The following ETF1 variants were observed in gnomAD, a reference collection of about 807,000 sequenced individuals.
ETF1 encodes the protein eukaryotic translation termination factor 1.
A neutral mutation model predicts 55.1 loss-of-function variants in ETF1; 4 were observed. The observed-to-expected ratio is 0.07, with a 90% CI of 0.04 to 0.17. The LOEUF (loss-of-function observed/expected upper bound fraction) is 0.17. Among genes scored for constraint, ETF1 ranks in the 10% least tolerant of loss-of-function variants. ETF1 has a pLI of 1.00. For missense variants in ETF1, 142 were observed against 523.6 expected (o/e 0.27, Z 7.11); for synonymous variants, 157 against 182.3 (o/e 0.86, Z 1.12).
chr5:138,512,857 A>G lies in ETF1; in HGVS notation c.639T>C (p.Phe213=), dbSNP rs752476600. ...CCACATTCACTTTGTCCCCAGAAATAAACAGCTGCACAGCAGTCTCTGCTA... is the reference window on the plus strand; with the variant it reads ...CCACATTCACTTTGTCCCCAGAAATGAACAGCTGCACAGCAGTCTCTGCTA... ...RKVAETAVQL[F]ISGDKVNVAG... is the part of the protein sequence containing the mutation. Residue 213 remains phenylalanine (F), a synonymous_variant, in exon 6 of 11, where the codon TTT becomes TTC. Transcript: ENST00000360541. 10 of 1,598,090 alleles carry G rather than the reference A, an allele frequency of 6.3e-6. No individual in the cohort carries two copies. Among genetic ancestry groups the G allele is most frequent in the Non-Finnish European group, 8.5e-6 (10 of 1,174,536 alleles).
rs1764623200 is a variant in ETF1, at chr5:138,508,106, G to A, written c.*199C>T. 1.9e-5 allele frequency: 11 copies of A among 565,848 alleles called. No homozygotes were observed. The highest frequency in any genetic ancestry group is 1.5e-4 in the South Asian group (5 of 32,576). 35.1% of individuals were successfully genotyped at this position (565,848 alleles called of 1,614,324 possible). Reference sequence around the variant, plus strand: ...TAGGAACTTAGTTGTAGGCTGCTGCGCTGACACCATGACAAACCAAAGTGT... The same window carrying A: ...TAGGAACTTAGTTGTAGGCTGCTGCACTGACACCATGACAAACCAAAGTGT... On this transcript the variant is annotated 3_prime_UTR_variant, in exon 11 of 11. Transcript: ENST00000360541.
intron 4 of ETF1, among the ~76,000 whole-genome samples, chr5:138,516,475 A>T (rs546765555): frequency 6.6e-6 from 1 of 152,234 alleles, no homozygotes; most frequent in East Asian, 1.9e-4. Flanking sequence ...TGTCTCTACT[A>T]AAAAAACACA....
At chr5:138,521,436 T>G (rs1017722005) in intron 2 of ETF1, among the ~76,000 whole-genome samples, 17 of 152,238 alleles carry the variant, frequency 1.1e-4, no homozygotes, top group African/African-American at 4.1e-4. Context: ...AACTATACAC[T>G]TGTAAATGGT....
At position 138,542,594 on chromosome 5, in the gene ETF1, G is replaced by C. The variant is rs568194216; in HGVS notation, c.86+239C>G. 1.9e-5 allele frequency: 27 copies of C among 1,393,360 alleles called. No homozygotes were observed. In the East Asian group the frequency reaches 6.4e-4, roughly 33 times the overall value. The allele number at this position is 1,393,360 out of a possible 1,614,324, so 86.3% of individuals were successfully genotyped here. A position where few individuals can be genotyped will look rare whatever the true frequency, so the allele number is the denominator to read the frequency against. On this transcript the variant is annotated intron_variant, in intron 2 of 10. Transcript: ENST00000360541. ...AAAGTAGCGGTGGCCTACCACGAGG[G>C]GGGCCGAGTGATCTAAACCGGGGAG...
intron 2 of ETF1, among the ~76,000 whole-genome samples, chr5:138,540,406 A>T (rs1315132981): frequency 6.6e-6 from 1 of 152,206 alleles, no homozygotes; most frequent in African/African-American, 2.4e-5. Flanking sequence ...AAAGCCCATT[A>T]CAATTCTTCT....
At position 138,542,895 on chromosome 5, in the gene ETF1, G is replaced by C. The variant is rs772352432; in HGVS notation, c.24C>G (p.Ala8=). MADDPSA[A]DRNVEIWKIK... ...TCTTCCAGATCTCCACGTTCCTGTC[G>C]GCAGCACTGGGGTCGTCCGCCATCT... The change falls in exon 2 of 11, where the codon GCC becomes GCG. Residue 8 remains alanine, a synonymous_variant. Transcript: ENST00000360541. 6.2e-7 allele frequency: 1 copy of C among 1,613,684 alleles called. No individual in the cohort carries two copies.
chr5:138,527,489 T>C (rs1190781743), intron 2 of ETF1, among the ~76,000 whole-genome samples: 1 of 152,216 alleles, frequency 6.6e-6, no homozygotes, highest in Non-Finnish European at 1.5e-5. Context: ...AAAAACCTTT[T>C]TGATAATTCC....
At chr5:138,523,544 C>A (rs966799190) in intron 2 of ETF1, among the ~76,000 whole-genome samples, 1 of 151,876 alleles carries the variant, frequency 6.6e-6, no homozygotes, top group African/African-American at 2.4e-5. Context: ...ACAAAAAAAA[C>A]ACCACATATT....
rs927202270 is a variant in ETF1, at chr5:138,541,580, G to A, written c.86+1253C>T. On this transcript the variant is annotated intron_variant, in intron 2 of 10. Transcript: ENST00000360541. ...TGTTTCATATAACAGTAATAATGAA[G>A]AGCTTGGAGGGGCTGTCATTCTAAA... The A allele has an allele frequency of 4.6e-6, 7 of 1,533,798 alleles. No individual in the cohort carries two copies. The African/African-American group carries it at 8.2e-5, about 18-fold the overall frequency.
chr5:138,530,858 C>T (rs1765669928), intron 2 of ETF1, among the ~76,000 whole-genome samples: 1 of 152,222 alleles, frequency 6.6e-6, no homozygotes, highest in African/African-American at 2.4e-5. Flanking sequence ...AGCGACTGTG[C>T]CCGGCCTCAA....
chr5:138,508,017 C>A lies in ETF1; in HGVS notation c.*288G>T. On this transcript the variant is annotated 3_prime_UTR_variant, in exon 11 of 11. Coordinates refer to ENST00000360541, the MANE Select transcript of ETF1 (RefSeq NM_004730.4). ...TTTTTTCATAAAATACAAGAGCAAC[C>A]AATTTCACCATCCAGTAAAAGTAAA... The A allele has an allele frequency of 3.0e-6, 1 of 337,144 alleles. No homozygotes were observed. The highest frequency in any genetic ancestry group is 5.4e-6 in the Non-Finnish European group (1 of 186,762). 20.9% of individuals were successfully genotyped at this position (337,144 alleles called of 1,614,324 possible). A position where few individuals can be genotyped will look rare whatever the true frequency, so the allele number is the denominator to read the frequency against.
intron 6 of ETF1, 100 bp downstream of exon 6, chr5:138,512,664 A>C: frequency 8.9e-7 from 1 of 1,125,702 alleles, no homozygotes; most frequent in Non-Finnish European, 1.2e-6. Flanking sequence ...TTTTTAACCC[A>C]AGGAATTTTA....
intron 2 of ETF1, chr5:138,519,227 T>C (rs1369886182): frequency 3.0e-6 from 3 of 983,700 alleles, no homozygotes; most frequent in Non-Finnish European, 3.6e-6. Context: ...AGCCTTCAAA[T>C]GTGGTGGTTG....
intron 4 of ETF1, chr5:138,514,203 T>A (rs1406542060): frequency 6.6e-6 from 1 of 152,054 alleles, no homozygotes; most frequent in East Asian, 1.9e-4. Flanking sequence ...TGCCAGGGGC[T>A]GGAAAAAAGG....
At chr5:138,532,907 A>G (rs1765762157) in intron 2 of ETF1, among the ~76,000 whole-genome samples, 1 of 151,994 alleles carries the variant, frequency 6.6e-6, no homozygotes, top group African/African-American at 2.4e-5. Flanking sequence ...GTATCAAACA[A>G]TGAAACACAT....
At chr5:138,540,445 G>A (rs2127138557) in intron 2 of ETF1, among the ~76,000 whole-genome samples, 1 of 152,236 alleles carries the variant, frequency 6.6e-6, no homozygotes, top group East Asian at 1.9e-4. Flanking sequence ...GGTAAAGTAG[G>A]AATAACATTT....
chr5:138,519,617 C>A (rs1765155390), intron 2 of ETF1, among the ~76,000 whole-genome samples: 1 of 150,794 alleles, frequency 6.6e-6, no homozygotes, highest in Admixed American at 6.6e-5. Context: ...GAGCCGAGAT[C>A]ATGTCACTGC....
chr5:138,511,620 AAT>A lies in ETF1; in HGVS notation c.733-18_733-17del, dbSNP rs1764789653. The A allele has an allele frequency of 1.9e-6, 3 of 1,591,150 alleles. No individual in the cohort carries two copies. The highest frequency in any genetic ancestry group is 2.6e-6 in the Non-Finnish European group (3 of 1,169,340). On this transcript the variant is annotated splice_polypyrimidine_tract_variant and intron_variant, in intron 6 of 10. Coordinates refer to ENST00000360541, the MANE Select transcript of ETF1 (RefSeq NM_004730.4). ...ATTGTAACCTCTAACACACAAAAAA[AAT>A]ATTATTAGTACTTACTGGTACTTAT...
chr5:138,518,152 G>C (rs953231769), intron 3 of ETF1, among the ~76,000 whole-genome samples: 1 of 148,958 alleles, frequency 6.7e-6, no homozygotes, highest in Non-Finnish European at 1.5e-5. Flanking sequence ...AGCTGAGATC[G>C]GATTACTGCA....
Sources: allele counts gnomAD v4.1 joint callset (sites outside exome capture counted in the v4.1 genomes callset), GRCh38; gene constraint gnomAD v4.1.1; transcripts MANE v1.5; gene names NCBI Gene and HGNC (gene_info 2026-07-23, HGNC 2026-07-21).